NFAT5: variants seen among roughly 807,000 people sequenced by gnomAD.
NFAT5 encodes the protein nuclear factor of activated T cells 5, also known as nuclear factor of activated T-cells 5.
In NFAT5, 31 loss-of-function variants were observed where a neutral mutation model predicts 166.5. The observed-to-expected ratio is 0.19, with a 90% CI of 0.14 to 0.25. The LOEUF (loss-of-function observed/expected upper bound fraction) is 0.25, where lower values mean the gene tolerates loss of function less well. Among genes scored for constraint, NFAT5 ranks in the 10% least tolerant of loss-of-function variants. The pLI, the probability that NFAT5 is intolerant of heterozygous loss-of-function variation, is 1.00. For missense variants in NFAT5, 1,449 were observed against 1,821.8 expected, an observed-to-expected ratio of 0.80 and a Z score of 3.72; for synonymous variants, 612 against 639.7, an observed-to-expected ratio of 0.96 and a Z score of 0.65.
At chr16:69,649,317 T>C in intron 4 of NFAT5, 1 of 969,106 alleles carries the variant, frequency 1.0e-6, no homozygotes, top group Non-Finnish European at 1.2e-6. Context: ...TATATCAAAA[T>C]GAATGTTGAA....
intron 3 of NFAT5, among the ~76,000 whole-genome samples, chr16:69,646,262 T>C (rs1230422878): frequency 1.3e-5 from 2 of 152,232 alleles, no homozygotes; most frequent in Admixed American, 6.5e-5. Context: ...TTAGAGCTTA[T>C]GGTTTTGAAC....
chr16:69,657,551 G>A (rs1326070933), intron 6 of NFAT5, among the ~76,000 whole-genome samples: 1 of 150,066 alleles, frequency 6.7e-6, no homozygotes, highest in African/African-American at 2.4e-5. Flanking sequence ...ACTAAGTCAG[G>A]AGTTCAAGAC....
chr16:69,666,348 C>T (rs1435330027), intron 7 of NFAT5, among the ~76,000 whole-genome samples: 1 of 152,026 alleles, frequency 6.6e-6, no homozygotes, highest in East Asian at 1.9e-4. Context: ...AGAGCTTCTG[C>T]ACAGCAAAAG....
chr16:69,630,902 A>G (rs1203769036), intron 3 of NFAT5, among the ~76,000 whole-genome samples: 1 of 152,168 alleles, frequency 6.6e-6, no homozygotes, highest in Non-Finnish European at 1.5e-5. Context: ...TTTTTAATCT[A>G]TGTGCTTACA....
intron 2 of NFAT5, among the ~76,000 whole-genome samples, chr16:69,580,623 T>C (rs933373885): frequency 6.6e-6 from 1 of 152,292 alleles, no homozygotes; most frequent in Admixed American, 6.5e-5. Flanking sequence ...TAAATAATCC[T>C]TTAGTAGTAT....
In NFAT5 at chr16:69,626,559, A is replaced by G. The variant is rs139426515; in HGVS notation, c.253+31A>G. Reference sequence around the variant, plus strand: ...CATTTCATTTTACTTTATTAAAGAAAACTAGGGCCAATATAAATCTGGCCA... The same window carrying G: ...CATTTCATTTTACTTTATTAAAGAAGACTAGGGCCAATATAAATCTGGCCA... On this transcript the variant is annotated intron_variant, in intron 3 of 14. Coordinates refer to ENST00000349945, the MANE Select transcript of NFAT5 (RefSeq NM_138713.4). 663 of 1,489,782 alleles carry G rather than the reference A, an allele frequency of 4.5e-4. 1 individual carries two copies. The highest frequency in any genetic ancestry group is 5.9e-4 in the South Asian group (40 of 67,290). 92.3% of individuals were successfully genotyped at this position (1,489,782 alleles called of 1,614,324 possible).
In NFAT5 at chr16:69,692,580, C is replaced by G; in HGVS notation, c.2755C>G (p.Gln919Glu). The part of the protein sequence containing the change: ...ESSAAMVMEM[Q>E]QSICQAAAQI... ...TTCAGCCGCAATGGTGATGGAGATG[C>G]AACAGAGTATCTGCCAGGCAGCTGC... The change falls in exon 13 of 15, where the codon CAA (glutamine) becomes GAA (glutamate). Residue 919 changes from glutamine to glutamate, a missense_variant. Coordinates refer to ENST00000349945, the MANE Select transcript of NFAT5 (RefSeq NM_138713.4). 1 of 1,614,206 alleles carries G rather than the reference C, an allele frequency of 6.2e-7. No individual in the cohort carries two copies. The highest frequency in any genetic ancestry group is 8.5e-7 in the Non-Finnish European group (1 of 1,180,034).
rs527446595 is a variant in NFAT5, at chr16:69,632,775, G to A, written c.253+6247G>A. On this transcript the variant is annotated intron_variant, in intron 3 of 14. Coordinates refer to ENST00000349945, the MANE Select transcript of NFAT5 (RefSeq NM_138713.4). ...AATTAAACCAGAAACCCACTAACGA[G>A]AAAGGTAATTCACCTACAGATGCTG... Among the ~76,000 whole-genome samples, 4 of 152,246 alleles carry A rather than the reference G, an allele frequency of 2.6e-5. No homozygotes were observed. The South Asian group carries it at 8.3e-4, about 32-fold the overall frequency.
At chr16:69,593,602 A>G (rs1348766053) in intron 2 of NFAT5, among the ~76,000 whole-genome samples, 1 of 152,022 alleles carries the variant, frequency 6.6e-6, no homozygotes, top group East Asian at 1.9e-4. Context: ...GGCAGGAGCC[A>G]CCATGCCCGG....
intron 11 of NFAT5, chr16:69,685,506 C>G (rs2037261572): frequency 6.6e-6 from 1 of 151,330 alleles, no homozygotes; most frequent in Non-Finnish European, 1.5e-5. Context: ...AAGGTCATGC[C>G]ACTGTACTCC....
intron 7 of NFAT5, among the ~76,000 whole-genome samples, chr16:69,661,070 C>A (rs956135163): frequency 3.4e-5 from 5 of 144,954 alleles, no homozygotes; most frequent in African/African-American, 1.3e-4. Flanking sequence ...CCTCCCAGCA[C>A]CCCCCACCAC....
rs552981185 is a variant in NFAT5 at position 69,566,044 on chromosome 16, TCTCCCCCTTCCC to T, written c.-255_-244del. On this transcript the variant is annotated 5_prime_UTR_variant, in exon 1 of 15. Coordinates refer to ENST00000349945, the MANE Select transcript of NFAT5 (RefSeq NM_138713.4). This position sits in a 1 kb window ranked among gnomAD's most constrained non-coding sequence, Gnocchi z 5.7. ...AGAAACACGAAACGGACCCTTTGGC[TCTCCCCCTTCCC>T]CTTCCCCGTCCTGAACCCCTCTCCT... 2.5e-4 allele frequency: 111 copies of T among 449,336 alleles called. No homozygotes were observed. In the East Asian group the frequency reaches 4.4e-3, roughly 18 times the overall value. 27.8% of individuals were successfully genotyped at this position (449,336 alleles called of 1,614,324 possible).
intron 3 of NFAT5, among the ~76,000 whole-genome samples, chr16:69,629,039 A>T (rs1342735108): frequency 6.6e-6 from 1 of 152,194 alleles, no homozygotes. Context: ...GTGCCATTGC[A>T]CTCCAGCCTG....
intron 2 of NFAT5, among the ~76,000 whole-genome samples, chr16:69,582,478 T>C (rs2031763113): frequency 6.6e-6 from 1 of 151,758 alleles, no homozygotes; most frequent in Non-Finnish European, 1.5e-5. Context: ...TCTAAGAACT[T>C]TATAATCTTA....
At chr16:69,618,471 A>G (rs1385777270) in intron 2 of NFAT5, among the ~76,000 whole-genome samples, 2 of 152,242 alleles carry the variant, frequency 1.3e-5, no homozygotes, top group Admixed American at 6.5e-5. Context: ...CATTTTTTCC[A>G]GTAGAGATGC....
chr16:69,609,333 T>C (rs2033589100), intron 2 of NFAT5, among the ~76,000 whole-genome samples: 1 of 152,208 alleles, frequency 6.6e-6, no homozygotes, highest in Admixed American at 6.5e-5. Flanking sequence ...TATACACATA[T>C]ACATTCTGTG....
chr16:69,609,292 T>C (rs1291367938), intron 2 of NFAT5, among the ~76,000 whole-genome samples: 1 of 152,220 alleles, frequency 6.6e-6, no homozygotes, highest in African/African-American at 2.4e-5. Flanking sequence ...TTCAGAGTAA[T>C]GGCTGTTAGC....
chr16:69,585,530 C>T (rs1270928448), intron 2 of NFAT5, among the ~76,000 whole-genome samples: 1 of 152,074 alleles, frequency 6.6e-6, no homozygotes, highest in African/African-American at 2.4e-5. Flanking sequence ...ACTAATGTTC[C>T]TAGCAGCATT....
rs2037938201 is a variant in NFAT5 at position 69,703,835 on chromosome 16, AAT to A, written c.*7486_*7487del. ...ACAGTTCTATTTGACTCCCACTTGT[AAT>A]AACTCCTTTAAAAAATTCCATGTTT... On this transcript the variant is annotated 3_prime_UTR_variant, in exon 15 of 15. Transcript: ENST00000349945. The A allele has an allele frequency of 6.6e-6, 1 of 152,608 alleles. No homozygotes were observed. The highest frequency in any genetic ancestry group is 2.4e-5 in the African/African-American group (1 of 41,444). 9.5% of individuals were successfully genotyped at this position (152,608 alleles called of 1,614,324 possible).
Sources: allele counts gnomAD v4.1 joint callset (sites outside exome capture counted in the v4.1 genomes callset), GRCh38; gene constraint gnomAD v4.1.1; non-coding constraint Gnocchi (gnomAD v3.1); transcripts MANE v1.5; gene names NCBI Gene and HGNC (gene_info 2026-07-23, HGNC 2026-07-21).